The following COL24A1 variants were observed in gnomAD, a reference collection of about 807,000 sequenced individuals.
COL24A1 encodes collagen alpha-1(XXIV) chain.
COL24A1 carries 224 observed loss-of-function variants against 253.9 expected under a neutral mutation model. That is an observed-to-expected ratio of 0.88 (90% CI 0.79 to 0.99). The LOEUF is 0.99. Among genes scored for constraint, COL24A1 ranks in the 50% least tolerant of loss-of-function variants. The probability of loss-of-function intolerance (pLI) is 0.00; values close to 1 mark genes in which losing one functional copy is unlikely to be tolerated. For missense variants in COL24A1, 2,131 were observed against 2,068.5 expected, an observed-to-expected ratio of 1.03 and a Z score of -0.59; for synonymous variants, 685 against 673.7, an observed-to-expected ratio of 1.02 and a Z score of -0.26.
chr1:86,080,834 G>A (rs1048573035), intron 7 of COL24A1, among the ~76,000 whole-genome samples: 1 of 151,966 alleles, frequency 6.6e-6, no homozygotes, highest in African/African-American at 2.4e-5. Context: ...TAAATAAAAT[G>A]TTTAATCATA....
intron 14 of COL24A1, among the ~76,000 whole-genome samples, chr1:86,026,258 A>G (rs922083635): frequency 6.6e-6 from 1 of 152,192 alleles, no homozygotes; most frequent in African/African-American, 2.4e-5. Flanking sequence ...GGTAGAAAGG[A>G]CCATCTATAT....
chr1:85,821,290 T>A (rs1673597611), intron 45 of COL24A1, among the ~76,000 whole-genome samples: 1 of 152,162 alleles, frequency 6.6e-6, no homozygotes, highest in South Asian at 2.1e-4. Flanking sequence ...GTTAAATTAA[T>A]CATATTTTAC....
chr1:85,879,208 CTTTG>C (rs1170871813), intron 32 of COL24A1, among the ~76,000 whole-genome samples: 2 of 149,688 alleles, frequency 1.3e-5, no homozygotes, highest in South Asian at 2.1e-4. Context: ...AGTTTTATGG[CTTTG>C]TTTTTTACAT....
At chr1:85,780,258 T>C (rs1432209428) in intron 52 of COL24A1, among the ~76,000 whole-genome samples, 1 of 152,200 alleles carries the variant, frequency 6.6e-6, no homozygotes, top group African/African-American at 2.4e-5. Context: ...TACTAAACAC[T>C]TGAAGCATTC....
intron 19 of COL24A1, among the ~76,000 whole-genome samples, chr1:85,990,486 C>T (rs115739480): frequency 2.0e-5 from 3 of 152,312 alleles, no homozygotes; most frequent in Non-Finnish European, 4.4e-5. Flanking sequence ...TCTAATGCTG[C>T]CGCTGATCTG....
At chr1:85,819,848 C>T (rs1429705944) in intron 45 of COL24A1, among the ~76,000 whole-genome samples, 7 of 135,880 alleles carry the variant, frequency 5.2e-5, no homozygotes, top group South Asian at 2.4e-4. Flanking sequence ...TTCTCTTTTC[C>T]TTTTTTTTTT....
intron 2 of COL24A1, among the ~76,000 whole-genome samples, chr1:86,127,204 A>C (rs1489080952): frequency 6.6e-6 from 1 of 152,096 alleles, no homozygotes; most frequent in East Asian, 1.9e-4. Context: ...CCACTTTTCC[A>C]GTCCTCCAGA....
intron 32 of COL24A1, among the ~76,000 whole-genome samples, chr1:85,886,256 T>C (rs992411204): frequency 3.3e-5 from 5 of 151,830 alleles, no homozygotes; most frequent in African/African-American, 1.2e-4. Flanking sequence ...ACTATATTGG[T>C]CAGACTGGTC....
At chr1:85,895,800 C>T (rs1003296459) in intron 31 of COL24A1, 58 bp downstream of exon 31, 19 of 1,424,226 alleles carry the variant, frequency 1.3e-5, no homozygotes, top group Non-Finnish European at 1.7e-5. Context: ...TGAGCAGCCC[C>T]TTTCCCCCAA....
At chr1:85,799,475 C>A (rs1311245863) in intron 47 of COL24A1, among the ~76,000 whole-genome samples, 1 of 149,444 alleles carries the variant, frequency 6.7e-6, no homozygotes, top group East Asian at 2.0e-4. Flanking sequence ...TAGAAATGGT[C>A]TTATTTCCTC....
chr1:85,769,087 T>A (rs1302891690), intron 53 of COL24A1, among the ~76,000 whole-genome samples: 1 of 152,186 alleles, frequency 6.6e-6, no homozygotes, highest in Non-Finnish European at 1.5e-5. Context: ...TTATATAAGA[T>A]AACCTTTCAA....
chr1:85,868,788 C>G lies in COL24A1; in HGVS notation c.3186G>C (p.Gly1062=). 6 of 1,574,872 alleles carry G rather than the reference C, an allele frequency of 3.8e-6. No individual in the cohort carries two copies. Among genetic ancestry groups the G allele is most frequent in the Non-Finnish European group, 5.2e-6 (6 of 1,157,718 alleles). The change falls in exon 36 of 60, where the codon GGG becomes GGC. Residue 1062 remains glycine, a synonymous_variant. Transcript: ENST00000370571. ...TCTTAAAAGTATAATTTACCTTTAA[C>G]CCATCTTTTCCCTGGAGACCTTCTT... ...PGEEGLQGKD[G]LKGVPGGRGL...
intron 20 of COL24A1, among the ~76,000 whole-genome samples, chr1:85,986,323 T>G (rs1693719501): frequency 6.6e-6 from 1 of 151,790 alleles, no homozygotes; most frequent in African/African-American, 2.4e-5. Context: ...TATTATTTAT[T>G]GCCTAGTTTT....
At chr1:86,109,451 C>T (rs1472403979) in intron 5 of COL24A1, among the ~76,000 whole-genome samples, 2 of 152,196 alleles carry the variant, frequency 1.3e-5, no homozygotes, top group Non-Finnish European at 2.9e-5. Context: ...ATTTAGCCAT[C>T]ACTACAGCAC....
chr1:85,852,413 C>T (rs1476818365), intron 37 of COL24A1, among the ~76,000 whole-genome samples: 1 of 152,132 alleles, frequency 6.6e-6, no homozygotes, highest in Non-Finnish European at 1.5e-5. Flanking sequence ...AACCATCCCA[C>T]CTCTGCACAA....
Position 85,737,424 on chromosome 1 carries a change from G to T in COL24A1, c.4754C>A (p.Thr1585Lys). The change falls in exon 58 of 60, where the codon ACA (threonine) becomes AAA (lysine). Residue 1585 changes from threonine to lysine, a missense_variant. Physicochemically the swap from Thr to Lys is moderately conservative, Grantham distance 78. Coordinates refer to ENST00000370571, the MANE Select transcript of COL24A1 (RefSeq NM_152890.7). ...TGTTACAGAAACAGGAGGTAAGCATGTCTGGCCACCAGCACTGAAATTGCA... is the reference window on the plus strand; with the variant it reads ...TGTTACAGAAACAGGAGGTAAGCATTTCTGGCCACCAGCACTGAAATTGCA... Reference protein sequence around the residue: ...VFCNFSAGGQTCLPPVSVTKL... With the variant: ...VFCNFSAGGQKCLPPVSVTKL... 1 of 1,612,602 alleles carries T rather than the reference G, an allele frequency of 6.2e-7. No individual in the cohort carries two copies. Among genetic ancestry groups the T allele is most frequent in the Non-Finnish European group, 8.5e-7 (1 of 1,179,066 alleles).
intron 47 of COL24A1, among the ~76,000 whole-genome samples, chr1:85,802,931 T>C (rs1365847077): frequency 2.6e-5 from 4 of 152,224 alleles, no homozygotes; most frequent in African/African-American, 4.8e-5. Flanking sequence ...TATTTCATTG[T>C]ATACATGTAC....
chr1:85,781,314 T>C, intron 51 of COL24A1, 41 bp from the exon 52 acceptor site: 4 of 1,383,540 alleles, frequency 2.9e-6, no homozygotes, highest in Non-Finnish European at 4.0e-6. Context: ...GTTAGTATAA[T>C]TAAAAAAAAA....
chr1:86,128,296 G>A (rs1209590399), intron 2 of COL24A1, among the ~76,000 whole-genome samples: 1 of 151,946 alleles, frequency 6.6e-6, no homozygotes, highest in East Asian at 1.9e-4. Context: ...GCCGAAACTA[G>A]CTATGTTAGT....
Sources: gnomAD v4.1 joint callset for allele counts (sites outside exome capture counted in the v4.1 genomes callset) on GRCh38, gnomAD v4.1.1 for gene constraint, MANE v1.5 for transcripts, NCBI Gene and HGNC (gene_info 2026-07-23, HGNC 2026-07-21) for gene names.